Variants in MGAT4C observed in about 807,000 individuals in gnomAD.
The protein encoded by MGAT4C is MGAT4 family member C.
Under a neutral mutation model 40.1 loss-of-function variants are expected in MGAT4C, and 19 were observed. That is an observed-to-expected ratio of 0.47 (90% confidence interval 0.33 to 0.70). MGAT4C has a LOEUF of 0.70. Among genes scored for constraint, MGAT4C ranks in the 30% least tolerant of loss-of-function variants. The pLI, the probability that MGAT4C is intolerant of heterozygous loss-of-function variation, is 0.02. For synonymous variants in MGAT4C, 181 were observed against 187.1 expected, an observed-to-expected ratio of 0.97 and a Z score of 0.27; for missense variants, 491 against 563.2, an observed-to-expected ratio of 0.87 and a Z score of 1.30.
chr12:86,738,405 C>G (rs559564801), intron 1 of MGAT4C, among the ~76,000 whole-genome samples: 1 of 151,430 alleles, frequency 6.6e-6, no homozygotes, highest in Admixed American at 6.6e-5. Flanking sequence ...TATATGGATA[C>G]TTTATATAGT....
intron 2 of MGAT4C, among the ~76,000 whole-genome samples, chr12:86,584,609 T>G (rs570891462): frequency 1.3e-5 from 2 of 151,372 alleles, no homozygotes; most frequent in Non-Finnish European, 3.0e-5. Flanking sequence ...AGTATTTCTA[T>G]GTGATTAAAC....
chr12:86,629,272 A>G (rs772101842), intron 2 of MGAT4C, among the ~76,000 whole-genome samples: 7 of 152,216 alleles, frequency 4.6e-5, no homozygotes, highest in Non-Finnish European at 8.8e-5. Flanking sequence ...AGAGACCTGC[A>G]AAGAGACTTA....
In MGAT4C at chr12:86,317,674, T is replaced by C. The variant is rs138500033; in HGVS notation, c.-57+16391A>G. Reference sequence around the variant, plus strand: ...AGTTAGGATATTTAGTCTGAGAAGTTTGAGTGTGGAGTATGAGGCAACTTT... The same window carrying C: ...AGTTAGGATATTTAGTCTGAGAAGTCTGAGTGTGGAGTATGAGGCAACTTT... On this transcript the variant is annotated intron_variant, in intron 4 of 7. Coordinates refer to the MGAT4C transcript ENST00000548651. 2.4e-3 allele frequency among the ~76,000 whole-genome samples: 358 copies of C among 152,044 alleles called. 5 individuals carry two copies. The East Asian group carries it at 0.042, about 18-fold the overall frequency.
chr12:86,049,820 T>A (rs980378243), intron 1 of MGAT4C, 97 bp from the exon 2 acceptor site: 1 of 257,742 alleles, frequency 3.9e-6, no homozygotes, highest in Non-Finnish European at 6.1e-6. Context: ...CTTGCCATTT[T>A]CCATCTAACT....
At chr12:86,336,831 A>G (rs1362811020) in intron 3 of MGAT4C, among the ~76,000 whole-genome samples, 1 of 152,280 alleles carries the variant, frequency 6.6e-6, no homozygotes, top group South Asian at 2.1e-4. Context: ...AAAGGCACTT[A>G]TTTTTCAATA....
At chr12:86,616,913 C>T (rs933045551) in intron 2 of MGAT4C, among the ~76,000 whole-genome samples, 1 of 151,994 alleles carries the variant, frequency 6.6e-6, no homozygotes, top group African/African-American at 2.4e-5. Flanking sequence ...TTTTAGTCCA[C>T]CTACACAAAT....
intron 2 of MGAT4C, among the ~76,000 whole-genome samples, chr12:86,582,363 T>C (rs1428910911): frequency 6.6e-6 from 1 of 151,302 alleles, no homozygotes; most frequent in Non-Finnish European, 1.5e-5. Flanking sequence ...TAGGTGAAGC[T>C]GAGTCAATGA....
intron 1 of MGAT4C, among the ~76,000 whole-genome samples, chr12:86,833,218 A>T (rs967175217): frequency 1.1e-4 from 17 of 151,876 alleles, no homozygotes; most frequent in African/African-American, 4.1e-4. Context: ...ATCCTAGGAG[A>T]GGATAAATTA....
chr12:86,278,299 C>A (rs1243859250), intron 4 of MGAT4C, among the ~76,000 whole-genome samples: 2 of 150,354 alleles, frequency 1.3e-5, no homozygotes, highest in African/African-American at 2.5e-5. Flanking sequence ...CTGCCTCGGC[C>A]CCTCAAATAG....
At chr12:86,152,389 A>G (rs1884402869) in intron 1 of MGAT4C, among the ~76,000 whole-genome samples, 1 of 152,194 alleles carries the variant, frequency 6.6e-6, no homozygotes. Flanking sequence ...GCTGTGTCTC[A>G]CATAGCAGAA....
At chr12:86,366,930 A>G (rs888569793) in intron 3 of MGAT4C, among the ~76,000 whole-genome samples, 1 of 152,188 alleles carries the variant, frequency 6.6e-6, no homozygotes, top group African/African-American at 2.4e-5. Context: ...TCAGCAATTT[A>G]GGAATATAAT....
intron 2 of MGAT4C, among the ~76,000 whole-genome samples, chr12:86,623,819 GC>G (rs1962715228): frequency 1.3e-5 from 2 of 152,168 alleles, no homozygotes; most frequent in African/African-American, 4.8e-5. Context: ...GGAAGATTGA[GC>G]TTTGTGGTGT....
chr12:86,405,993 T>C (rs1369118686), intron 3 of MGAT4C, among the ~76,000 whole-genome samples: 2 of 133,154 alleles, frequency 1.5e-5, no homozygotes, highest in Non-Finnish European at 3.2e-5. Flanking sequence ...ACACAAAAAA[T>C]ATATATTATA....
intron 4 of MGAT4C, among the ~76,000 whole-genome samples, chr12:86,267,374 T>C (rs1228166915): frequency 6.6e-6 from 1 of 152,080 alleles, no homozygotes; most frequent in African/African-American, 2.4e-5. Flanking sequence ...AAGTGAAAGG[T>C]AGATGTTCAC....
chr12:86,440,152 A>G (rs535538520), intron 2 of MGAT4C, among the ~76,000 whole-genome samples: 1 of 152,142 alleles, frequency 6.6e-6, no homozygotes, highest in African/African-American at 2.4e-5. Flanking sequence ...AATAACAAAG[A>G]CAGGGAATAA....
rs974698759 is a variant in MGAT4C, at chr12:86,669,829, G to A, written c.-229+57380C>T. Among the ~76,000 whole-genome samples the A allele has an allele frequency of 7.2e-5, 11 of 152,316 alleles. No homozygotes were observed. The East Asian group carries it at 1.4e-3, about 19-fold the overall frequency. On this transcript the variant is annotated intron_variant, in intron 2 of 7. Transcript: ENST00000548651. ...AAAGATCAAGAATATGCCCAGCCAT[G>A]TTGGCCACAGCTGGCTCTTACCTAT...
intron 1 of MGAT4C, among the ~76,000 whole-genome samples, chr12:86,139,300 T>A (rs2135733985): frequency 6.6e-6 from 1 of 152,246 alleles, no homozygotes; most frequent in East Asian, 1.9e-4. Context: ...CATGACCATT[T>A]TTGTGACTTT....
intron 2 of MGAT4C, among the ~76,000 whole-genome samples, chr12:86,646,413 G>T (rs1363207647): frequency 1.3e-5 from 2 of 151,782 alleles, no homozygotes; most frequent in African/African-American, 4.8e-5. Flanking sequence ...ATGTTGTATG[G>T]CTGCTTGTAT....
rs537987390 is a variant in MGAT4C, at chr12:86,148,726, C to G, written c.-56-99003G>C. Among the ~76,000 whole-genome samples the G allele has an allele frequency of 3.9e-5, 6 of 152,176 alleles. No individual in the cohort carries two copies. In the South Asian group the frequency reaches 1.2e-3, roughly 32 times the overall value. On this transcript the variant is annotated intron_variant, in intron 1 of 4. Coordinates refer to ENST00000611864, the MANE Select transcript of MGAT4C (RefSeq NM_001351288.2). ...TAATAAATATTCATAAACACTTTAC[C>G]ATTATATGGAATTGCAGAATAGACA...
Sources: gnomAD v4.1 joint callset for allele counts (sites outside exome capture counted in the v4.1 genomes callset) on GRCh38, gnomAD v4.1.1 for gene constraint, MANE v1.5 for transcripts, NCBI Gene and HGNC (gene_info 2026-07-23, HGNC 2026-07-21) for gene names.